The following NAALADL2 variants were observed in gnomAD, a reference collection of about 807,000 sequenced individuals.
NAALADL2 encodes the protein inactive N-acetylated-alpha-linked acidic dipeptidase-like protein 2.
NAALADL2 carries 76 observed loss-of-function variants against 87.2 expected under a neutral mutation model. The observed-to-expected ratio is 0.87, with a 90% CI of 0.72 to 1.05. The LOEUF (loss-of-function observed/expected upper bound fraction) is 1.05, where lower values mean the gene tolerates loss of function less well. Among genes scored for constraint, NAALADL2 ranks in the 50% least tolerant of loss-of-function variants. The pLI is 0.00. For missense variants in NAALADL2, 1,089 were observed against 945.8 expected, an observed-to-expected ratio of 1.15 and a Z score of -1.99; for synonymous variants, 354 against 331.0, an observed-to-expected ratio of 1.07 and a Z score of -0.75.
chr3:175,642,162 AT>A (rs761661792), intron 11 of NAALADL2, among the ~76,000 whole-genome samples: 1 of 152,146 alleles, frequency 6.6e-6, no homozygotes, highest in African/African-American at 2.4e-5. Flanking sequence ...CTTTGTTTGC[AT>A]TTTTGAATGT....
chr3:174,921,882 G>A (rs1400508144), intron 1 of NAALADL2, among the ~76,000 whole-genome samples: 1 of 151,248 alleles, frequency 6.6e-6, no homozygotes, highest in Admixed American at 6.6e-5. Context: ...AATCCATTTG[G>A]CAGGAAAATA....
intron 1 of NAALADL2, among the ~76,000 whole-genome samples, chr3:175,048,227 A>G (rs1754917473): frequency 6.6e-6 from 1 of 152,134 alleles, no homozygotes; most frequent in Admixed American, 6.6e-5. Flanking sequence ...CAAATGAGGG[A>G]TTATCTGCCA....
chr3:175,596,676 G>C (rs939067141), intron 10 of NAALADL2, among the ~76,000 whole-genome samples: 2 of 151,744 alleles, frequency 1.3e-5, no homozygotes, highest in Admixed American at 1.3e-4. Context: ...AATTTGTTTT[G>C]AGAAAATATT....
intron 9 of NAALADL2, among the ~76,000 whole-genome samples, chr3:175,567,358 CAAA>C (rs917223243): frequency 6.6e-6 from 1 of 151,048 alleles, no homozygotes; most frequent in Non-Finnish European, 1.5e-5. Flanking sequence ...AAAATAAGAG[CAAA>C]TATTTTCGTA....
At chr3:175,276,899 A>C (rs1207520100) in intron 4 of NAALADL2, among the ~76,000 whole-genome samples, 2 of 152,044 alleles carry the variant, frequency 1.3e-5, no homozygotes, top group Non-Finnish European at 1.5e-5. Flanking sequence ...TCCCATTCTC[A>C]ATTCCAGAGG....
At chr3:174,731,962 G>C (rs546558300) in intron 2 of NAALADL2, among the ~76,000 whole-genome samples, 2 of 152,088 alleles carry the variant, frequency 1.3e-5, no homozygotes, top group Non-Finnish European at 2.9e-5. Context: ...GATTGTTATA[G>C]CAGGAAAGCC....
chr3:175,763,025 A>C (rs2150153834), intron 13 of NAALADL2, among the ~76,000 whole-genome samples: 1 of 152,236 alleles, frequency 6.6e-6, no homozygotes, highest in East Asian at 1.9e-4. Context: ...CGGAGCTTGC[A>C]GTGAGCCGAG....
intron 5 of NAALADL2, among the ~76,000 whole-genome samples, chr3:175,417,553 T>A (rs1215383980): frequency 6.6e-6 from 1 of 152,060 alleles, no homozygotes; most frequent in East Asian, 1.9e-4. Context: ...ATTATCTCAG[T>A]TTTAGAATTT....
At chr3:175,173,388 G>C (rs1397952310) in intron 2 of NAALADL2, among the ~76,000 whole-genome samples, 1 of 152,046 alleles carries the variant, frequency 6.6e-6, no homozygotes, top group Admixed American at 6.6e-5. Flanking sequence ...TATAGTCCCA[G>C]ATACTCAGGA....
At chr3:175,632,295 TC>T (rs1727889341) in intron 11 of NAALADL2, among the ~76,000 whole-genome samples, 2 of 150,064 alleles carry the variant, frequency 1.3e-5, no homozygotes, top group African/African-American at 5.0e-5. Context: ...TCTCTCTCTC[TC>T]TCTCTCTCTC....
At chr3:175,526,900 A>G (rs920207177) in intron 9 of NAALADL2, among the ~76,000 whole-genome samples, 3 of 152,142 alleles carry the variant, frequency 2.0e-5, no homozygotes, top group African/African-American at 7.2e-5. Context: ...TGGCTTTTTT[A>G]TTAGCATAAA....
chr3:175,803,426 G>T lies in NAALADL2; in HGVS notation c.*223G>T. 3.0e-6 allele frequency: 1 copy of T among 335,804 alleles called. No individual in the cohort carries two copies. The highest frequency in any genetic ancestry group is 5.4e-6 in the Non-Finnish European group (1 of 185,586). The allele number at this position is 335,804 out of a possible 1,614,324, so 20.8% of individuals were successfully genotyped here. A position where few individuals can be genotyped will look rare whatever the true frequency, so the allele number is the denominator to read the frequency against. On this transcript the variant is annotated 3_prime_UTR_variant, in exon 14 of 14. Transcript: ENST00000454872. ...TTCTGAATATGTAAAGCAAGTTATTGAAATAGGACTTAAGAATTACCTATT... is the reference window on the plus strand; with the variant it reads ...TTCTGAATATGTAAAGCAAGTTATTTAAATAGGACTTAAGAATTACCTATT...
In NAALADL2 at chr3:175,172,016, T is replaced by C. The variant is rs1220665218; in HGVS notation, c.546-61915T>C. ...GGATATAGGGTAGATTAAGTGTAGT[T>C]AGAAACAAAGTCTTTTATATTTTAA... On this transcript the variant is annotated intron_variant, in intron 2 of 13. Transcript: ENST00000454872. Among the ~76,000 whole-genome samples the C allele has an allele frequency of 2.0e-5, 3 of 152,052 alleles. No individual in the cohort carries two copies. In the South Asian group the frequency reaches 6.2e-4, roughly 31 times the overall value.
chr3:174,600,014 T>G (rs1718284534), intron 2 of NAALADL2, among the ~76,000 whole-genome samples: 1 of 152,152 alleles, frequency 6.6e-6, no homozygotes, highest in Admixed American at 6.6e-5. Flanking sequence ...TCAAGTAACT[T>G]AGATAGGAAT....
intron 1 of NAALADL2, among the ~76,000 whole-genome samples, chr3:175,031,416 G>C (rs1486024102): frequency 6.6e-6 from 1 of 151,908 alleles, no homozygotes; most frequent in South Asian, 2.1e-4. Context: ...AATGGCCTTC[G>C]CTTGCATCCA....
chr3:174,883,789 C>T (rs892638669), intron 1 of NAALADL2, among the ~76,000 whole-genome samples: 6 of 152,138 alleles, frequency 3.9e-5, no homozygotes, highest in Non-Finnish European at 7.4e-5. Context: ...GTGATCCAAA[C>T]CTTCATTCCT....
intron 9 of NAALADL2, among the ~76,000 whole-genome samples, chr3:175,475,969 T>C (rs1725644955): frequency 6.6e-6 from 1 of 152,196 alleles, no homozygotes; most frequent in African/African-American, 2.4e-5. Context: ...GTGATCTTCC[T>C]GCCTTGGCTT....
intron 12 of NAALADL2, among the ~76,000 whole-genome samples, chr3:175,738,378 G>T (rs528748149): frequency 3.3e-5 from 5 of 151,898 alleles, no homozygotes; most frequent in Non-Finnish European, 5.9e-5. Flanking sequence ...CTCCCAACTA[G>T]CTGGAACTAC....
At chr3:174,960,312 T>C (rs1741791474) in intron 1 of NAALADL2, among the ~76,000 whole-genome samples, 1 of 152,106 alleles carries the variant, frequency 6.6e-6, no homozygotes, top group Admixed American at 6.6e-5. Flanking sequence ...GAAAATATCA[T>C]AGTTGATAAA....
Sources: gnomAD v4.1 joint callset for allele counts (sites outside exome capture counted in the v4.1 genomes callset) on GRCh38, gnomAD v4.1.1 for gene constraint, MANE v1.5 for transcripts, NCBI Gene and HGNC (gene_info 2026-07-23, HGNC 2026-07-21) for gene names.